Variants in B3GAT2 observed in about 807,000 individuals in gnomAD.
B3GAT2 encodes beta-1,3-glucuronyltransferase 2.
In B3GAT2, 26 loss-of-function variants were observed where a neutral mutation model predicts 27.8. The ratio of observed to expected loss-of-function variants is 0.93; its 90% CI spans 0.68 to 1.30. B3GAT2 has a LOEUF of 1.30. B3GAT2 is among the 50% of genes most tolerant of loss of function. The pLI is 0.00. For missense variants in B3GAT2, 458 were observed against 459.0 expected (o/e 1.00, Z 0.02); for synonymous variants, 218 against 195.1 (o/e 1.12, Z -0.98).
At chr6:70,869,554 T>C (rs760642030) in intron 2 of B3GAT2, among the ~76,000 whole-genome samples, 3 of 152,236 alleles carry the variant, frequency 2.0e-5, no homozygotes, top group African/African-American at 7.2e-5. Context: ...TTCTAATCCA[T>C]GAACATATCT....
intron 1 of B3GAT2, among the ~76,000 whole-genome samples, chr6:70,926,111 A>T (rs376317724): frequency 6.6e-6 from 1 of 152,146 alleles, no homozygotes; most frequent in Non-Finnish European, 1.5e-5. Context: ...CTAACAAAGC[A>T]TCAACAAAAC....
At chr6:70,928,362 CAA>C (rs566751039) in intron 1 of B3GAT2, among the ~76,000 whole-genome samples, 1 of 137,628 alleles carries the variant, frequency 7.3e-6, no homozygotes. Context: ...GACAGAGACA[CAA>C]AAAAAAAAAC....
chr6:70,933,545 T>G (rs1773093095), intron 1 of B3GAT2, among the ~76,000 whole-genome samples: 1 of 152,222 alleles, frequency 6.6e-6, no homozygotes, highest in South Asian at 2.1e-4. Context: ...TCTCTAGCAC[T>G]CTTGCCAGTG....
At chr6:70,876,462 T>G (rs1772015898) in intron 2 of B3GAT2, among the ~76,000 whole-genome samples, 1 of 152,206 alleles carries the variant, frequency 6.6e-6, no homozygotes, top group Non-Finnish European at 1.5e-5. Context: ...CTCTGCCATC[T>G]ACTATTAAAG....
chr6:70,860,635 C>G lies in B3GAT2; in HGVS notation c.*1028G>C, dbSNP rs769589711. Reference sequence around the variant, plus strand: ...TTTTCCTCTCAATAAAATTATAGCTCTAATGTTTGCATATAAGGGAAGTAG... The same window carrying G: ...TTTTCCTCTCAATAAAATTATAGCTGTAATGTTTGCATATAAGGGAAGTAG... On this transcript the variant is annotated 3_prime_UTR_variant, in exon 4 of 4. Transcript: ENST00000230053. 2.7e-4 allele frequency: 114 copies of G among 426,118 alleles called. No individual in the cohort carries two copies. The highest frequency in any genetic ancestry group is 1.5e-4 in the Non-Finnish European group (36 of 242,096). 26.4% of individuals were successfully genotyped at this position (426,118 alleles called of 1,614,324 possible).
At position 70,858,053 on chromosome 6, in the gene B3GAT2, A is replaced by G; in HGVS notation, c.*3610T>C. ...AGGAAATGTGATGGGACAGAGTCCA[A>G]GCATGATGGTGGGCATGCCCATGCC... On this transcript the variant is annotated 3_prime_UTR_variant, in exon 4 of 4. Coordinates refer to ENST00000230053, the MANE Select transcript of B3GAT2 (RefSeq NM_080742.3). 6.2e-7 allele frequency: 1 copy of G among 1,614,098 alleles called. No individual in the cohort carries two copies. The highest frequency in any genetic ancestry group is 8.5e-7 in the Non-Finnish European group (1 of 1,179,988).
chr6:70,935,461 A>AATACATATATGTTTATATATAT (rs1765252429), intron 1 of B3GAT2, among the ~76,000 whole-genome samples: 1 of 149,624 alleles, frequency 6.7e-6, no homozygotes, highest in African/African-American at 2.5e-5. Flanking sequence ...CTCACTTAAA[A>AATACATATATGTTTATATATAT]ATATATATAT....
chr6:70,890,901 A>C (rs1337798956), intron 2 of B3GAT2, among the ~76,000 whole-genome samples: 2 of 152,264 alleles, frequency 1.3e-5, no homozygotes, highest in East Asian at 3.8e-4. Flanking sequence ...ATTAATAATA[A>C]GGCACATGCC....
chr6:70,868,991 G>A (rs760793815), intron 2 of B3GAT2, among the ~76,000 whole-genome samples: 3 of 152,148 alleles, frequency 2.0e-5, no homozygotes, highest in Non-Finnish European at 4.4e-5. Context: ...TATATGGTAT[G>A]ATTAAGGGCG....
intron 1 of B3GAT2, among the ~76,000 whole-genome samples, chr6:70,921,973 G>A (rs1487227084): frequency 6.6e-6 from 1 of 152,116 alleles, no homozygotes; most frequent in Non-Finnish European, 1.5e-5. Flanking sequence ...GCACTCTGGG[G>A]GCAAGGTATT....
chr6:70,919,487 T>C (rs1280361814), intron 1 of B3GAT2, among the ~76,000 whole-genome samples: 1 of 152,174 alleles, frequency 6.6e-6, no homozygotes, highest in East Asian at 1.9e-4. Context: ...GGCGTTCTGG[T>C]TTTGGAATTT....
At chr6:70,947,179 A>G (rs1227159046) in intron 1 of B3GAT2, among the ~76,000 whole-genome samples, 1 of 151,998 alleles carries the variant, frequency 6.6e-6, no homozygotes, top group African/African-American at 2.4e-5. Context: ...GAACTAGAAA[A>G]GCAAGAGCAA....
chr6:70,911,749 T>C (rs951572906), intron 1 of B3GAT2, among the ~76,000 whole-genome samples: 1 of 152,234 alleles, frequency 6.6e-6, no homozygotes, highest in African/African-American at 2.4e-5. Context: ...ATGGCCACTT[T>C]AACAACATTG....
intron 1 of B3GAT2, among the ~76,000 whole-genome samples, chr6:70,915,562 C>T (rs746183642): frequency 2.6e-5 from 4 of 151,996 alleles, no homozygotes; most frequent in Non-Finnish European, 5.9e-5. Flanking sequence ...GTCTTTTATC[C>T]ATCTTGAGTT....
At chr6:70,864,061 C>T (rs201682071) in intron 2 of B3GAT2, among the ~76,000 whole-genome samples, 2 of 129,766 alleles carry the variant, frequency 1.5e-5, no homozygotes, top group Admixed American at 7.9e-5. Flanking sequence ...AAGCTTTATC[C>T]TTTTTTTTTT....
chr6:70,887,114 A>T (rs1288439419), intron 2 of B3GAT2, among the ~76,000 whole-genome samples: 1 of 152,226 alleles, frequency 6.6e-6, no homozygotes, highest in Non-Finnish European at 1.5e-5. Flanking sequence ...ATGACTCCAA[A>T]GTGGCAGGAA....
At chr6:70,955,262 G>A (rs1562240452) in intron 1 of B3GAT2, among the ~76,000 whole-genome samples, 1 of 151,954 alleles carries the variant, frequency 6.6e-6, no homozygotes, top group Non-Finnish European at 1.5e-5. Flanking sequence ...AGAAGTCAGT[G>A]TTTCTTCTAA....
chr6:70,903,121 T>C (rs1032942492), intron 1 of B3GAT2, among the ~76,000 whole-genome samples: 1 of 151,848 alleles, frequency 6.6e-6, no homozygotes, highest in African/African-American at 2.4e-5. Context: ...ACAATATAAA[T>C]ATATACCATT....
chr6:70,880,790 C>T (rs560452053), intron 2 of B3GAT2, among the ~76,000 whole-genome samples: 2 of 152,104 alleles, frequency 1.3e-5, no homozygotes, highest in South Asian at 4.1e-4. Context: ...CTCAGCCTCC[C>T]GAGTAACTGG....
Sources: allele counts gnomAD v4.1 joint callset (sites outside exome capture counted in the v4.1 genomes callset), GRCh38; gene constraint gnomAD v4.1.1; transcripts MANE v1.5; gene names NCBI Gene and HGNC (gene_info 2026-07-23, HGNC 2026-07-21).